Variants in GLI2 observed in about 807,000 individuals in gnomAD.
GLI2 encodes transcription activator GLI2.
Under a neutral mutation model 78.9 loss-of-function variants are expected in GLI2, and 22 were observed. The observed-to-expected ratio is 0.28, with a 90% CI of 0.20 to 0.40. The LOEUF is 0.40. GLI2 is among the 10% of genes least tolerant of loss of function. The pLI, the probability that GLI2 is intolerant of heterozygous loss-of-function variation, is 1.00. For synonymous variants in GLI2, 974 were observed against 963.7 expected (o/e 1.01, Z -0.20); for missense variants, 2,097 against 2,213.2 (o/e 0.95, Z 1.05).
In GLI2 at chr2:120,953,912, C is replaced by A. The variant is rs143357130; in HGVS notation, c.458-1333C>A. 5.9e-3 allele frequency among the ~76,000 whole-genome samples: 896 copies of A among 152,150 alleles called. 7 individuals carry two copies. The highest frequency in any genetic ancestry group is 0.021 in the African/African-American group (870 of 41,482). On this transcript the variant is annotated intron_variant, in intron 4 of 13. Coordinates refer to ENST00000361492, the MANE Select transcript of GLI2 (RefSeq NM_001374353.1). ...GACAGAGCTGCCCCTGGAGGAGAGG[C>A]CTTCGACGGATGGAGTGCCATGCTA... is the stretch of plus-strand genomic sequence containing the variant.
Position 120,800,796 on chromosome 2 carries a change from G to A in GLI2, c.148+3328G>A, listed in dbSNP as rs1042865557. Among the ~76,000 whole-genome samples the A allele has an allele frequency of 1.3e-5, 2 of 152,048 alleles. No individual in the cohort carries two copies. Among genetic ancestry groups the A allele is most frequent in the Non-Finnish European group, 2.9e-5 (2 of 68,014 alleles). ...GCCGGGATTACAGGTGTGAGCCACC[G>A]CACCCGGCCGAAAGGGATGACTTAT... is the stretch of plus-strand genomic sequence containing the variant. On this transcript the variant is annotated intron_variant, in intron 2 of 13. Transcript: ENST00000361492. This position sits in a 1 kb window ranked among gnomAD's most constrained non-coding sequence, Gnocchi z 4.1.
At chr2:120,760,936 T>G (rs1683195081) in intron 1 of GLI2, among the ~76,000 whole-genome samples, 1 of 152,086 alleles carries the variant, frequency 6.6e-6, no homozygotes, top group Non-Finnish European at 1.5e-5. Context: ...GGCAGCCCAG[T>G]GACTGTGAGG....
intron 1 of GLI2, among the ~76,000 whole-genome samples, chr2:120,753,296 A>T (rs1042140821): frequency 2.0e-5 from 3 of 152,150 alleles, no homozygotes; most frequent in East Asian, 1.9e-4. Context: ...GGGTTTCGCC[A>T]TGTTGGCCAG....
Position 120,827,231 on chromosome 2 carries a change from C to G in GLI2, c.148+29763C>G, listed in dbSNP as rs558152985. 2.0e-5 allele frequency among the ~76,000 whole-genome samples: 3 copies of G among 152,304 alleles called. No homozygotes were observed. The South Asian group carries it at 6.2e-4, about 32-fold the overall frequency. On this transcript the variant is annotated intron_variant, in intron 2 of 13. Coordinates refer to ENST00000361492, the MANE Select transcript of GLI2 (RefSeq NM_001374353.1). ...GACAGCGGAGTTGGCACAGCCAAAC[C>G]CGAGTGTCTGCTGATATGCTTCTTG...
chr2:120,988,700 C>A lies in GLI2; in HGVS notation c.2735C>A (p.Ala912Asp). ...LLDAPERTLP[A>D]GCPRPLGPRR... Reference sequence around the variant, plus strand: ...GACGCGCCCGAGCGCACGCTGCCCGCCGGCTGCCCACGCCCACTGGGGCCG... The same window carrying A: ...GACGCGCCCGAGCGCACGCTGCCCGACGGCTGCCCACGCCCACTGGGGCCG... Residue 912 changes from alanine (A) to aspartate (D), a missense_variant, in exon 14 of 14, where the codon GCC becomes GAC. Coordinates refer to ENST00000361492, the MANE Select transcript of GLI2 (RefSeq NM_001374353.1). The A allele has an allele frequency of 8.0e-7, 1 of 1,248,352 alleles. No homozygotes were observed. Among genetic ancestry groups the A allele is most frequent in the South Asian group, 2.0e-5 (1 of 49,304 alleles). 77.3% of individuals were successfully genotyped at this position (1,248,352 alleles called of 1,614,324 possible).
At chr2:120,826,948 G>T (rs1027382260) in intron 2 of GLI2, among the ~76,000 whole-genome samples, 1 of 152,120 alleles carries the variant, frequency 6.6e-6, no homozygotes, top group Non-Finnish European at 1.5e-5. Flanking sequence ...CCCCAGCCAC[G>T]CATAACCACT....
chr2:120,809,594 G>A (rs1039857048), intron 2 of GLI2, among the ~76,000 whole-genome samples: 3 of 152,100 alleles, frequency 2.0e-5, no homozygotes, highest in South Asian at 2.1e-4. Flanking sequence ...GGAAGGAAGT[G>A]CGGGGGAGGG....
intron 1 of GLI2, among the ~76,000 whole-genome samples, chr2:120,784,765 C>T (rs1198827267): frequency 6.6e-6 from 1 of 152,190 alleles, no homozygotes; most frequent in Non-Finnish European, 1.5e-5. Flanking sequence ...AAAATGCTCA[C>T]TCATCCCTGC....
chr2:120,765,425 C>T (rs1422728467), intron 1 of GLI2, among the ~76,000 whole-genome samples: 1 of 152,226 alleles, frequency 6.6e-6, no homozygotes, highest in Non-Finnish European at 1.5e-5. Flanking sequence ...GAGCGATCAA[C>T]CCAGGGGAGT....
At chr2:120,919,399 G>A (rs1324337392) in intron 2 of GLI2, among the ~76,000 whole-genome samples, 1 of 152,228 alleles carries the variant, frequency 6.6e-6, no homozygotes, top group Non-Finnish European at 1.5e-5. Context: ...ACGTAAGAGT[G>A]CCCGACCCGA....
At chr2:120,803,847 C>T (rs1378100767) in intron 2 of GLI2, among the ~76,000 whole-genome samples, 2 of 152,276 alleles carry the variant, frequency 1.3e-5, no homozygotes, top group East Asian at 1.9e-4. Flanking sequence ...GGGCGCAGTC[C>T]GTCCAAGGCA....
At chr2:120,778,009 G>A (rs1683733374) in intron 1 of GLI2, among the ~76,000 whole-genome samples, 2 of 152,126 alleles carry the variant, frequency 1.3e-5, no homozygotes, top group South Asian at 4.1e-4. Context: ...AGCTGTGTTG[G>A]TGGCATCAAA....
intron 1 of GLI2, among the ~76,000 whole-genome samples, chr2:120,761,114 T>C (rs1206793181): frequency 6.6e-6 from 1 of 152,142 alleles, no homozygotes; most frequent in Admixed American, 6.5e-5. Context: ...GTTTTCAAAA[T>C]AAAGGAGAAT....
intron 3 of GLI2, among the ~76,000 whole-genome samples, chr2:120,930,018 T>C (rs963753795): frequency 1.3e-5 from 2 of 152,212 alleles, no homozygotes; most frequent in Admixed American, 6.5e-5. Flanking sequence ...GTTTGGCTGG[T>C]TCCATGACAC....
intron 2 of GLI2, among the ~76,000 whole-genome samples, chr2:120,854,273 C>T (rs1299208971): frequency 6.6e-6 from 1 of 152,176 alleles, no homozygotes; most frequent in African/African-American, 2.4e-5. Flanking sequence ...GCAAAGAGTA[C>T]AGCAAGTGTG....
chr2:120,960,884 CT>C (rs997081155), intron 5 of GLI2, among the ~76,000 whole-genome samples: 1 of 152,192 alleles, frequency 6.6e-6, no homozygotes, highest in Non-Finnish European at 1.5e-5. Flanking sequence ...CCCATTTCCT[CT>C]TGTTTTTAAA....
Position 120,991,045 on chromosome 2 carries a change from T to C in GLI2, c.*370T>C. ...TTTCAAAGGATATGCAGAAAGATGGTAGGGAGCATTTGGGTTTGAATCTGA... is the reference window on the plus strand; with the variant it reads ...TTTCAAAGGATATGCAGAAAGATGGCAGGGAGCATTTGGGTTTGAATCTGA... On this transcript the variant is annotated 3_prime_UTR_variant, in exon 14 of 14. Transcript: ENST00000361492. The C allele has an allele frequency of 4.5e-6, 1 of 220,018 alleles. No individual in the cohort carries two copies. Among genetic ancestry groups the C allele is most frequent in the Non-Finnish European group, 9.1e-6 (1 of 110,182 alleles). The allele number at this position is 220,018 out of a possible 1,614,324, so 13.6% of individuals were successfully genotyped here.
chr2:120,888,255 A>G (rs1021997216), intron 2 of GLI2, among the ~76,000 whole-genome samples: 2 of 152,250 alleles, frequency 1.3e-5, no homozygotes, highest in African/African-American at 4.8e-5. Flanking sequence ...TTAGTTGCCA[A>G]AATGCCCTGC....
At chr2:120,808,090 C>G (rs776298329) in intron 2 of GLI2, among the ~76,000 whole-genome samples, 6 of 152,314 alleles carry the variant, frequency 3.9e-5, no homozygotes, top group Non-Finnish European at 7.4e-5. Context: ...AGAGCAGGGC[C>G]TCATCCGCCG....
Sources: gnomAD v4.1 joint callset for allele counts (sites outside exome capture counted in the v4.1 genomes callset) on GRCh38, gnomAD v4.1.1 for gene constraint, Gnocchi (gnomAD v3.1) non-coding constraint, MANE v1.5 for transcripts, NCBI Gene and HGNC (gene_info 2026-07-23, HGNC 2026-07-21) for gene names.